AMD1: variants seen among roughly 807,000 people sequenced by gnomAD.
AMD1 encodes adenosylmethionine decarboxylase 1.
AMD1 carries 11 observed loss-of-function variants against 40.2 expected under a neutral mutation model. The ratio of observed to expected loss-of-function variants is 0.27; its 90% CI spans 0.17 to 0.45. The LOEUF (loss-of-function observed/expected upper bound fraction) is 0.45. AMD1 is among the 20% of genes least tolerant of loss of function. The pLI, the probability that AMD1 is intolerant of heterozygous loss-of-function variation, is 1.00. For synonymous variants in AMD1, 121 were observed against 130.8 expected (o/e 0.93, Z 0.51); for missense variants, 257 against 410.2 (o/e 0.63, Z 3.23).
chr6:110,891,909 C>T (rs1176810441), intron 4 of AMD1: 1 of 500,244 alleles, frequency 2.0e-6, no homozygotes, highest in African/African-American at 1.9e-5. Context: ...CGCCCAGCTA[C>T]TTTTTGTATT....
chr6:110,880,884 C>T (rs1376371238), intron 1 of AMD1, among the ~76,000 whole-genome samples: 1 of 152,148 alleles, frequency 6.6e-6, no homozygotes, highest in Admixed American at 6.5e-5. Context: ...GTTGGTCAGG[C>T]TGGTCTTGAA....
chr6:110,884,725 A>G (rs1785594604), intron 1 of AMD1, among the ~76,000 whole-genome samples: 1 of 152,164 alleles, frequency 6.6e-6, no homozygotes, highest in African/African-American at 2.4e-5. Flanking sequence ...CTTTAAAAAA[A>G]GAGAAAACAA....
the AMD1 span, among the ~76,000 whole-genome samples, chr6:110,847,172 G>A: frequency 6.6e-6 from 1 of 151,872 alleles, no homozygotes; most frequent in Admixed American, 6.6e-5. Context: ...GAAATCTTGG[G>A]CAGGCTCTTA....
At chr6:110,846,529 C>T in the AMD1 span, among the ~76,000 whole-genome samples, 1 of 152,186 alleles carries the variant, frequency 6.6e-6, no homozygotes, top group Non-Finnish European at 1.5e-5. Context: ...TTCAGACTTA[C>T]ATGAAATGAT....
At chr6:110,889,990 A>G (rs894237505) in intron 3 of AMD1, 4 of 347,758 alleles carry the variant, frequency 1.2e-5, no homozygotes, top group African/African-American at 8.7e-5. Flanking sequence ...ACCCATCATC[A>G]CTAGACTGGG....
intron 1 of AMD1, among the ~76,000 whole-genome samples, chr6:110,883,355 C>T (rs895375618): frequency 6.6e-6 from 1 of 152,142 alleles, no homozygotes. Flanking sequence ...TCGCTGATTT[C>T]TCCTGGGCTT....
At chr6:110,885,822 G>T (rs1172460063) in intron 1 of AMD1, among the ~76,000 whole-genome samples, 1 of 152,234 alleles carries the variant, frequency 6.6e-6, no homozygotes, top group Non-Finnish European at 1.5e-5. Context: ...AGATGGGTCA[G>T]TAACAGTTTC....
the AMD1 span, among the ~76,000 whole-genome samples, chr6:110,853,315 T>G: frequency 3.9e-4 from 37 of 94,186 alleles, no homozygotes; most frequent in East Asian, 0.028. Context: ...GTTTTTTGTT[T>G]TTTTTTTTTT....
chr6:110,874,647 GGCCA>G (rs1784995928), upstream of AMD1: 1 of 154,794 alleles, frequency 6.5e-6, no homozygotes, highest in Non-Finnish European at 1.4e-5. Context: ...CCAGGCCCTC[GGCCA>G]GCCAGCCGCC....
the AMD1 span, among the ~76,000 whole-genome samples, chr6:110,822,040 A>C: frequency 6.6e-6 from 1 of 152,148 alleles, no homozygotes; most frequent in African/African-American, 2.4e-5. Context: ...TTGAAAACAT[A>C]AACAAAATCA....
chr6:110,892,492 T>TA, intron 6 of AMD1, 49 bp downstream of exon 6: 1 of 1,599,462 alleles, frequency 6.3e-7, no homozygotes, highest in Non-Finnish European at 8.5e-7. Context: ...GCGTGGGGAC[T>TA]AAATTTTATT....
At chr6:110,888,677 G>T in intron 2 of AMD1, 180 bp from the exon 3 acceptor site, 1 of 479,122 alleles carries the variant, frequency 2.1e-6, no homozygotes, top group Non-Finnish European at 3.6e-6. Flanking sequence ...CTTACCATGT[G>T]CCAAGCCCTG....
chr6:110,829,529 C>T, the AMD1 span, among the ~76,000 whole-genome samples: 8 of 151,692 alleles, frequency 5.3e-5, no homozygotes, highest in Admixed American at 4.6e-4. Context: ...ATTAGCCAGG[C>T]GAGGTGGCAG....
chr6:110,856,749 A>G, the AMD1 span, among the ~76,000 whole-genome samples: 1 of 152,198 alleles, frequency 6.6e-6, no homozygotes, highest in East Asian at 1.9e-4. Flanking sequence ...TTCAGTCTCT[A>G]TCTCTCAAGT....
Position 110,877,240 on chromosome 6 carries a change from G to A in AMD1, c.110+2025G>A, listed in dbSNP as rs532685307. Among the ~76,000 whole-genome samples, 7 of 152,334 alleles carry A rather than the reference G, an allele frequency of 4.6e-5. No homozygotes were observed. The South Asian group carries it at 1.4e-3, about 32-fold the overall frequency. ...ACTATTGGTAGTACACTGCCACATT[G>A]TAACTGTTGTAGATAAAGCAAGTTA... On this transcript the variant is annotated intron_variant, in intron 1 of 8. Transcript: ENST00000368885.
the AMD1 span, among the ~76,000 whole-genome samples, chr6:110,816,728 T>C: frequency 1.8e-4 from 27 of 152,166 alleles, no homozygotes; most frequent in African/African-American, 6.5e-4. Context: ...TCTCTTAACT[T>C]GTCTCCACCA....
upstream of AMD1, among the ~76,000 whole-genome samples, chr6:110,869,863 T>G (rs1784883059): frequency 6.6e-6 from 1 of 152,208 alleles, no homozygotes; most frequent in South Asian, 2.1e-4. Context: ...CACAACAGCC[T>G]TGGGCAGTAA....
upstream of AMD1, chr6:110,874,653 C>A (rs573844915): frequency 4.5e-4 from 70 of 154,952 alleles, no homozygotes; most frequent in Middle Eastern, 0.014. Flanking sequence ...CCTCGGCCAG[C>A]CAGCCGCCAC....
chr6:110,858,555 T>G, the AMD1 span: 1 of 1,601,802 alleles, frequency 6.2e-7, no homozygotes, highest in Non-Finnish European at 8.5e-7. Context: ...GTGGACCTGT[T>G]CGATGCCAAC....
Sources: allele counts gnomAD v4.1 joint callset (sites outside exome capture counted in the v4.1 genomes callset), GRCh38; gene constraint gnomAD v4.1.1; transcripts MANE v1.5; gene names NCBI Gene and HGNC (gene_info 2026-07-23, HGNC 2026-07-21).